The following BEND5 variants were observed in gnomAD, a reference collection of about 807,000 sequenced individuals.
BEND5 encodes BEN domain-containing protein 5.
In BEND5, 22 loss-of-function variants were observed where a neutral mutation model predicts 43.9. The ratio of observed to expected loss-of-function variants is 0.50; its 90% CI spans 0.36 to 0.72. BEND5 has a LOEUF of 0.72. BEND5 is among the 30% of genes least tolerant of loss of function. BEND5 has a pLI of 0.00. For synonymous variants in BEND5, 228 were observed against 225.9 expected (o/e 1.01, Z -0.08); for missense variants, 428 against 550.6 (o/e 0.78, Z 2.23).
At chr1:48,741,072 C>G (rs1288765726) in intron 4 of BEND5, among the ~76,000 whole-genome samples, 2 of 152,108 alleles carry the variant, frequency 1.3e-5, no homozygotes, top group Non-Finnish European at 2.9e-5. Context: ...AAAAGAGGCC[C>G]CCTATAATGC....
At chr1:48,730,327 T>C (rs762188325) in intron 5 of BEND5, among the ~76,000 whole-genome samples, 8 of 152,294 alleles carry the variant, frequency 5.3e-5, no homozygotes, top group Middle Eastern at 3.4e-3. Context: ...AGTTGAGATA[T>C]TCGTATCTGA....
chr1:48,734,660 G>C (rs1648731339), intron 5 of BEND5, among the ~76,000 whole-genome samples: 1 of 152,100 alleles, frequency 6.6e-6, no homozygotes, highest in African/African-American at 2.4e-5. Flanking sequence ...TGCCTGATTT[G>C]CCACCCCTCA....
chr1:48,767,109 G>A (rs931415101), intron 1 of BEND5, among the ~76,000 whole-genome samples: 11 of 152,204 alleles, frequency 7.2e-5, no homozygotes, highest in African/African-American at 2.7e-4. Context: ...GGTTGGGAGA[G>A]GGTGGCCCAG....
At chr1:48,765,101 G>A (rs1203417839) in intron 1 of BEND5, among the ~76,000 whole-genome samples, 1 of 151,536 alleles carries the variant, frequency 6.6e-6, no homozygotes, top group Admixed American at 6.6e-5. Flanking sequence ...TCTCAAAGAT[G>A]CATTACACAT....
chr1:48,774,760 G>A (rs1644994613), intron 1 of BEND5, among the ~76,000 whole-genome samples: 1 of 152,168 alleles, frequency 6.6e-6, no homozygotes, highest in South Asian at 2.1e-4. Flanking sequence ...ATCTGCCTAA[G>A]TGGCCTCTCT....
At position 48,758,542 on chromosome 1, in the gene BEND5, G is replaced by A. The variant is rs575506222; in HGVS notation, c.745+358C>T. Reference sequence around the variant, plus strand: ...AACTAATACATGTTGTTAGGATCATGTCTACTTCTTTTTACTATCCTGAAA... The same window carrying A: ...AACTAATACATGTTGTTAGGATCATATCTACTTCTTTTTACTATCCTGAAA... On this transcript the variant is annotated intron_variant, in intron 3 of 5. Transcript: ENST00000371833. Among the ~76,000 whole-genome samples the A allele has an allele frequency of 2.2e-4, 34 of 152,352 alleles. 1 individual carries two copies. In the South Asian group the frequency reaches 6.4e-3, roughly 29 times the overall value.
At chr1:48,757,509 A>G (rs1237000057) in intron 3 of BEND5, among the ~76,000 whole-genome samples, 4 of 152,174 alleles carry the variant, frequency 2.6e-5, no homozygotes, top group Non-Finnish European at 4.4e-5. Flanking sequence ...CAGCCTATGA[A>G]TTGAGTGACT....
chr1:48,748,404 G>A (rs911161439), intron 3 of BEND5, among the ~76,000 whole-genome samples: 1 of 152,206 alleles, frequency 6.6e-6, no homozygotes, highest in African/African-American at 2.4e-5. Flanking sequence ...TGTGCTAGGT[G>A]GAACTGAGTG....
chr1:48,754,964 G>A (rs1231565494), intron 3 of BEND5, among the ~76,000 whole-genome samples: 4 of 152,250 alleles, frequency 2.6e-5, no homozygotes, highest in African/African-American at 7.2e-5. Flanking sequence ...GCAAAATGAC[G>A]GTGACAGTCT....
intron 4 of BEND5, among the ~76,000 whole-genome samples, chr1:48,738,618 T>G (rs1337000066): frequency 6.6e-6 from 1 of 152,226 alleles, no homozygotes; most frequent in Non-Finnish European, 1.5e-5. Context: ...CAAGGAACTT[T>G]GAATTACATT....
chr1:48,746,398 G>GT, intron 3 of BEND5, among the ~76,000 whole-genome samples: 1 of 152,028 alleles, frequency 6.6e-6, no homozygotes, highest in East Asian at 2.0e-4. Flanking sequence ...GCAGGTCCTT[G>GT]TACTCCACAG....
At position 48,776,613 on chromosome 1, in the gene BEND5, C is replaced by A; in HGVS notation, c.219G>T (p.Ala73=). Reference sequence around the variant, plus strand: ...CCCCGCCCGCTTGCTCACCTGCCAGCGCCAGGATCTGGGCCTTGTGGAGCA... The same window carrying A: ...CCCCGCCCGCTTGCTCACCTGCCAGAGCCAGGATCTGGGCCTTGTGGAGCA... ...ALLLHKAQIL[A]LAEDKSDLEN... is the part of the protein sequence containing the mutation. Residue 73 remains alanine (A), a synonymous_variant, in exon 1 of 6, where the codon GCG becomes GCT. Coordinates refer to ENST00000371833, the MANE Select transcript of BEND5 (RefSeq NM_024603.4). The A allele has an allele frequency of 6.9e-7, 1 of 1,441,594 alleles. No individual in the cohort carries two copies. Among genetic ancestry groups the A allele is most frequent in the South Asian group, 1.4e-5 (1 of 71,230 alleles). 89.3% of individuals were successfully genotyped at this position (1,441,594 alleles called of 1,614,324 possible). A position where few individuals can be genotyped will look rare whatever the true frequency, so the allele number is the denominator to read the frequency against.
chr1:48,761,113 A>T (rs767539900), intron 2 of BEND5: 6 of 509,922 alleles, frequency 1.2e-5, no homozygotes, highest in Non-Finnish European at 2.1e-5. Flanking sequence ...CTGTGCAAAC[A>T]GGACCAAGCT....
intron 1 of BEND5, among the ~76,000 whole-genome samples, chr1:48,766,351 T>C (rs1335837318): frequency 5.9e-5 from 9 of 152,198 alleles, no homozygotes; most frequent in Admixed American, 5.9e-4. Flanking sequence ...AACACATTCC[T>C]GGAACATGGT....
chr1:48,763,254 G>A (rs1481140816), intron 1 of BEND5, among the ~76,000 whole-genome samples: 1 of 152,080 alleles, frequency 6.6e-6, no homozygotes, highest in Non-Finnish European at 1.5e-5. Flanking sequence ...AGCAATCCTT[G>A]GGTTCCTATT....
At chr1:48,754,718 A>C (rs1652267060) in intron 3 of BEND5, among the ~76,000 whole-genome samples, 1 of 152,194 alleles carries the variant, frequency 6.6e-6, no homozygotes, top group African/African-American at 2.4e-5. Flanking sequence ...CCCATCAGAA[A>C]GGGTTGTTTA....
intron 5 of BEND5, among the ~76,000 whole-genome samples, chr1:48,730,482 C>T (rs1224776628): frequency 1.3e-5 from 2 of 152,076 alleles, no homozygotes; most frequent in African/African-American, 4.8e-5. Flanking sequence ...GTAATAATGG[C>T]AGGTAAAGTG....
chr1:48,733,034 C>T (rs1332048599), intron 5 of BEND5, among the ~76,000 whole-genome samples: 1 of 152,128 alleles, frequency 6.6e-6, no homozygotes, highest in African/African-American at 2.4e-5. Context: ...GGTGAAAACA[C>T]ATTAAGCAGA....
intron 1 of BEND5, 94 bp from the exon 2 acceptor site, chr1:48,761,564 T>C (rs1016757467): frequency 2.3e-5 from 30 of 1,313,674 alleles, no homozygotes; most frequent in East Asian, 1.0e-4. Flanking sequence ...TAGAAAATAA[T>C]TGAGGCCAGA....
Sources: allele counts gnomAD v4.1 joint callset (sites outside exome capture counted in the v4.1 genomes callset), GRCh38; gene constraint gnomAD v4.1.1; transcripts MANE v1.5; gene names NCBI Gene and HGNC (gene_info 2026-07-23, HGNC 2026-07-21).